OPCML: variants seen among roughly 807,000 people sequenced by gnomAD.
OPCML encodes opioid binding protein/cell adhesion molecule like, also known as opioid-binding protein/cell adhesion molecule.
A neutral mutation model predicts 37.8 loss-of-function variants in OPCML; 13 were observed. The observed-to-expected ratio is 0.34, with a 90% CI of 0.22 to 0.55. OPCML has a LOEUF of 0.55. Among genes scored for constraint, OPCML ranks in the 20% least tolerant of loss-of-function variants. OPCML has a pLI of 0.91. For synonymous variants in OPCML, 176 were observed against 168.8 expected (o/e 1.04, Z -0.33); for missense variants, 341 against 435.6 (o/e 0.78, Z 1.93).
At chr11:133,015,745 T>A (rs1429580489) in intron 1 of OPCML, among the ~76,000 whole-genome samples, 1 of 152,176 alleles carries the variant, frequency 6.6e-6, no homozygotes, top group Admixed American at 6.5e-5. Flanking sequence ...TCACCGTTCA[T>A]GTATTACAAA....
intron 1 of OPCML, among the ~76,000 whole-genome samples, chr11:133,040,995 C>G (rs534631210): frequency 2.0e-5 from 3 of 152,056 alleles, no homozygotes; most frequent in Non-Finnish European, 4.4e-5. Flanking sequence ...TATGGGGGCT[C>G]GGACTATAAA....
At chr11:132,577,071 A>G (rs1347499781) in intron 3 of OPCML, among the ~76,000 whole-genome samples, 1 of 152,168 alleles carries the variant, frequency 6.6e-6, no homozygotes, top group African/African-American at 2.4e-5. Context: ...CAGGGACTCC[A>G]GTGAGAGAGT....
intron 1 of OPCML, among the ~76,000 whole-genome samples, chr11:133,474,469 C>T (rs1450384411): frequency 1.3e-5 from 2 of 152,160 alleles, no homozygotes; most frequent in South Asian, 2.1e-4. Context: ...GCATGTTATT[C>T]TTGAAGAGAT....
At position 133,093,958 on chromosome 11, in the gene OPCML, AG is replaced by A. The variant is rs570202443; in HGVS notation, c.62-150949del. Among the ~76,000 whole-genome samples the A allele has an allele frequency of 9.2e-4, 140 of 152,310 alleles. 1 individual carries two copies. Among genetic ancestry groups the A allele is most frequent in the Middle Eastern group, 3.4e-3 (1 of 294 alleles). On this transcript the variant is annotated intron_variant, in intron 1 of 7. Transcript: ENST00000524381. The stretch of plus-strand genomic sequence containing the variant: ...AGTCAAAGTCACGAATGTAAGTGGA[AG>A]GATATGTCCGGTGGATGCATTGTCT...
intron 1 of OPCML, among the ~76,000 whole-genome samples, chr11:133,327,102 G>C (rs1261310438): frequency 1.5e-5 from 2 of 135,388 alleles, no homozygotes; most frequent in Non-Finnish European, 3.2e-5. Context: ...GGTGGTGTGT[G>C]TATGTGGGGG....
intron 2 of OPCML, among the ~76,000 whole-genome samples, chr11:132,942,026 A>G (rs1945595119): frequency 1.3e-5 from 2 of 152,218 alleles, no homozygotes; most frequent in South Asian, 4.1e-4. Context: ...GGGCAAATGC[A>G]TTCGCCCTGT....
intron 1 of OPCML, among the ~76,000 whole-genome samples, chr11:133,275,880 CT>C (rs1941979316): frequency 6.6e-6 from 1 of 152,200 alleles, no homozygotes; most frequent in East Asian, 1.9e-4. Context: ...AAACTCTTAT[CT>C]TTTTTATCCT....
intron 1 of OPCML, among the ~76,000 whole-genome samples, chr11:133,191,050 G>A (rs1938292259): frequency 6.6e-6 from 1 of 152,110 alleles, no homozygotes; most frequent in East Asian, 1.9e-4. Context: ...CCAAACTTTT[G>A]AGGAACTGAC....
chr11:133,414,422 C>T (rs377729454), intron 1 of OPCML, among the ~76,000 whole-genome samples: 11 of 152,248 alleles, frequency 7.2e-5, no homozygotes, highest in Middle Eastern at 3.4e-3. Context: ...AAATAACCCA[C>T]GCCACAGCCT....
chr11:132,852,611 G>GA (rs146990273), intron 2 of OPCML, among the ~76,000 whole-genome samples: 5,018 of 145,684 alleles, frequency 0.034, 271 homozygotes, highest in African/African-American at 0.11. Context: ...GCACAAAGGA[G>GA]AAAAAAAAAA....
chr11:133,190,351 A>T (rs1342890137), intron 1 of OPCML, among the ~76,000 whole-genome samples: 1 of 152,212 alleles, frequency 6.6e-6, no homozygotes, highest in Non-Finnish European at 1.5e-5. Context: ...ATTGATGCCT[A>T]TCAAAAATGT....
chr11:133,108,903 T>A (rs1002608334), intron 1 of OPCML, among the ~76,000 whole-genome samples: 1 of 152,198 alleles, frequency 6.6e-6, no homozygotes, highest in Non-Finnish European at 1.5e-5. Flanking sequence ...CGTGTTTCCA[T>A]ATGCAGGAAG....
chr11:133,009,799 T>C (rs1947182498), intron 1 of OPCML, among the ~76,000 whole-genome samples: 1 of 152,154 alleles, frequency 6.6e-6, no homozygotes, highest in African/African-American at 2.4e-5. Flanking sequence ...CAGGCGGTAA[T>C]GCTCACTGCT....
chr11:133,109,152 G>A (rs893017760), intron 1 of OPCML, among the ~76,000 whole-genome samples: 5 of 152,162 alleles, frequency 3.3e-5, no homozygotes, highest in Non-Finnish European at 5.9e-5. Context: ...TGCTCCCACT[G>A]TGTCTGGAGT....
At chr11:132,551,231 A>G (rs998651682) in intron 3 of OPCML, among the ~76,000 whole-genome samples, 8 of 152,214 alleles carry the variant, frequency 5.3e-5, no homozygotes, top group African/African-American at 1.7e-4. Flanking sequence ...GTACGCTAGA[A>G]TTAGGAAATA....
intron 4 of OPCML, among the ~76,000 whole-genome samples, chr11:132,527,053 T>C (rs945425990): frequency 1.2e-4 from 18 of 152,202 alleles, no homozygotes; most frequent in African/African-American, 4.3e-4. Context: ...TTTTGTTATG[T>C]GCACCAGTGG....
At chr11:133,414,805 A>T (rs1264791081) in intron 1 of OPCML, among the ~76,000 whole-genome samples, 1 of 152,098 alleles carries the variant, frequency 6.6e-6, no homozygotes, top group Non-Finnish European at 1.5e-5. Context: ...TCTCAACCCC[A>T]GTATTCTCTG....
chr11:133,167,527 C>CT lies in OPCML; in HGVS notation c.62-224518dup, dbSNP rs67384165. Among the ~76,000 whole-genome samples, 877 of 143,446 alleles carry CT rather than the reference C, an allele frequency of 6.1e-3. 6 individuals carry two copies. The highest frequency in any genetic ancestry group is 0.016 in the African/African-American group (623 of 39,056). The allele number at this position is 143,446 out of a possible 152,430, so 94.1% of individuals were successfully genotyped here. A position where few individuals can be genotyped will look rare whatever the true frequency, so the allele number is the denominator to read the frequency against. ...AGTTTCTTGTGCCAGCTTTCTTTCT[C>CT]TTTTTTTTTTTTTTCAGGTTATGGA... On this transcript the variant is annotated intron_variant, in intron 1 of 7. Coordinates refer to ENST00000524381, the MANE Select transcript of OPCML (RefSeq NM_001012393.5).
chr11:132,627,565 T>C (rs986890699), intron 3 of OPCML, among the ~76,000 whole-genome samples: 1 of 116,416 alleles, frequency 8.6e-6, no homozygotes, highest in Non-Finnish European at 1.7e-5. Context: ...TAACAAAACA[T>C]CATGAATTTG....
Sources: gnomAD v4.1 joint callset for allele counts (sites outside exome capture counted in the v4.1 genomes callset) on GRCh38, gnomAD v4.1.1 for gene constraint, MANE v1.5 for transcripts, NCBI Gene and HGNC (gene_info 2026-07-23, HGNC 2026-07-21) for gene names.